ZC3H3: variants seen among roughly 807,000 people sequenced by gnomAD.
The protein encoded by ZC3H3 is zinc finger CCCH domain-containing protein 3.
A neutral mutation model predicts 77.3 loss-of-function variants in ZC3H3; 36 were observed. That is an observed-to-expected ratio of 0.47 (90% CI 0.36 to 0.61). The LOEUF (loss-of-function observed/expected upper bound fraction) is 0.61, where lower values mean the gene tolerates loss of function less well. Among genes scored for constraint, ZC3H3 ranks in the 20% least tolerant of loss-of-function variants. The probability of loss-of-function intolerance (pLI) is 0.00; values close to 1 mark genes in which losing one functional copy is unlikely to be tolerated. For missense variants in ZC3H3, 1,331 were observed against 1,312.2 expected (o/e 1.01, Z -0.22); for synonymous variants, 626 against 555.2 (o/e 1.13, Z -1.79).
chr8:143,463,919 T>C (rs889516828), intron 9 of ZC3H3, among the ~76,000 whole-genome samples: 1 of 152,258 alleles, frequency 6.6e-6, no homozygotes, highest in Non-Finnish European at 1.5e-5. Context: ...CAGCCTAAAT[T>C]ATTCACAAGG....
intron 3 of ZC3H3, among the ~76,000 whole-genome samples, chr8:143,513,324 G>T (rs1474485029): frequency 6.6e-6 from 1 of 152,168 alleles, no homozygotes; most frequent in African/African-American, 2.4e-5. Flanking sequence ...GGAGCAGGGG[G>T]AGCCCCAGGG....
chr8:143,499,816 G>T (rs1821470577), intron 4 of ZC3H3, among the ~76,000 whole-genome samples: 1 of 152,188 alleles, frequency 6.6e-6, no homozygotes, highest in African/African-American at 2.4e-5. Context: ...AAGCTCCCCA[G>T]GCTCCATGTC....
rs527994867 is a variant in ZC3H3, at chr8:143,460,789, A to C, written c.2307+4928T>G. Among the ~76,000 whole-genome samples, 1 of 152,326 alleles carries C rather than the reference A, an allele frequency of 6.6e-6. No homozygotes were observed. The highest frequency in any genetic ancestry group is 2.1e-4 in the South Asian group (1 of 4,826). ...GGTGAAAGATGCCAGACACCAAAGG[A>C]CAGATGCTGGATGATTCCACTGACG... On this transcript the variant is annotated intron_variant, in intron 9 of 11. Transcript: ENST00000262577. The surrounding 1 kb of genome is among the most constrained non-coding windows in gnomAD (Gnocchi z 4.0).
chr8:143,537,140 C>G (rs1172920788), intron 2 of ZC3H3, among the ~76,000 whole-genome samples: 1 of 152,224 alleles, frequency 6.6e-6, no homozygotes, highest in Non-Finnish European at 1.5e-5. Flanking sequence ...AGCTGCCAAC[C>G]TCATGGAGTC....
At position 143,541,362 on chromosome 8, in the gene ZC3H3, C is replaced by G. The variant is rs1211212278; in HGVS notation, c.46+14G>C. On this transcript the variant is annotated intron_variant, in intron 1 of 11. Coordinates refer to ENST00000262577, the MANE Select transcript of ZC3H3 (RefSeq NM_015117.3). ...AAAGAAGGGGACTCGCGTCCCGGCC[C>G]CGGCCGGACCTACCCTGCAGTAGGC... is the stretch of plus-strand genomic sequence containing the variant. The G allele has an allele frequency of 1.2e-6, 2 of 1,608,188 alleles. No individual in the cohort carries two copies. Among genetic ancestry groups the G allele is most frequent in the Non-Finnish European group, 1.7e-6 (2 of 1,178,236 alleles).
At chr8:143,465,904 G>A in intron 8 of ZC3H3, 56 bp from the exon 9 acceptor site, 1 of 1,569,612 alleles carries the variant, frequency 6.4e-7, no homozygotes, top group Non-Finnish European at 8.6e-7. Context: ...AGGGCCCAGA[G>A]ACGGTGGCTG....
At chr8:143,525,367 C>T (rs571266122) in intron 3 of ZC3H3, among the ~76,000 whole-genome samples, 3 of 152,372 alleles carry the variant, frequency 2.0e-5, no homozygotes, top group East Asian at 1.9e-4. Context: ...GGCGTGGGCG[C>T]GGTCTCCTCT....
At chr8:143,480,704 C>T (rs1161764133) in intron 4 of ZC3H3, among the ~76,000 whole-genome samples, 1 of 152,236 alleles carries the variant, frequency 6.6e-6, no homozygotes, top group Non-Finnish European at 1.5e-5. Flanking sequence ...TCTGAGCACC[C>T]GGGCCCTTTC....
At chr8:143,480,067 C>T (rs1404293757) in intron 4 of ZC3H3, among the ~76,000 whole-genome samples, 5 of 152,332 alleles carry the variant, frequency 3.3e-5, no homozygotes, top group Non-Finnish European at 7.4e-5. Flanking sequence ...CTGAGTGCTG[C>T]CAGCCTCGCT....
chr8:143,517,438 G>C (rs1187573702), intron 3 of ZC3H3, among the ~76,000 whole-genome samples: 1 of 152,192 alleles, frequency 6.6e-6, no homozygotes, highest in Non-Finnish European at 1.5e-5. Flanking sequence ...AGTTGGGCCT[G>C]TACCCCAGGC....
intron 9 of ZC3H3, among the ~76,000 whole-genome samples, chr8:143,441,995 G>A (rs959122248): frequency 1.2e-4 from 19 of 152,144 alleles, no homozygotes; most frequent in East Asian, 1.9e-4. Context: ...AATCTGTCAC[G>A]GCACTAGAGT....
At chr8:143,511,296 T>C (rs1463932247) in intron 3 of ZC3H3, among the ~76,000 whole-genome samples, 1 of 152,190 alleles carries the variant, frequency 6.6e-6, no homozygotes, top group Non-Finnish European at 1.5e-5. Context: ...CTCACTCTCC[T>C]CGGACAATTC....
At chr8:143,445,297 C>T (rs1022747407) in intron 9 of ZC3H3, among the ~76,000 whole-genome samples, 1 of 151,438 alleles carries the variant, frequency 6.6e-6, no homozygotes, top group Non-Finnish European at 1.5e-5. Context: ...AGGAGAATTG[C>T]TTGAACCTGG....
At chr8:143,458,282 A>G (rs1820172328) in intron 9 of ZC3H3, among the ~76,000 whole-genome samples, 1 of 118,390 alleles carries the variant, frequency 8.4e-6, no homozygotes, top group Non-Finnish European at 1.9e-5. Flanking sequence ...CTGACTGAAG[A>G]GTAGAAAATC....
intron 9 of ZC3H3, among the ~76,000 whole-genome samples, chr8:143,442,409 T>TG (rs1286973015): frequency 3.6e-5 from 1 of 27,580 alleles, no homozygotes; most frequent in African/African-American, 1.4e-4. Context: ...CCGGGGGGGG[T>TG]GGGGGGGCGG....
intron 11 of ZC3H3, among the ~76,000 whole-genome samples, chr8:143,439,416 G>A (rs1391446777): frequency 1.3e-5 from 2 of 152,320 alleles, no homozygotes; most frequent in East Asian, 1.9e-4. Flanking sequence ...GCTGCGTGGG[G>A]TTTATCGTCA....
At chr8:143,474,868 C>A (rs1820683664) in intron 5 of ZC3H3, among the ~76,000 whole-genome samples, 1 of 152,268 alleles carries the variant, frequency 6.6e-6, no homozygotes, top group Admixed American at 6.5e-5. Flanking sequence ...GCGGCGCCGG[C>A]TGCCTCCAGA....
At chr8:143,488,941 AGATCC>A (rs1392455323) in intron 4 of ZC3H3, among the ~76,000 whole-genome samples, 8 of 152,240 alleles carry the variant, frequency 5.3e-5, no homozygotes, top group Non-Finnish European at 1.2e-4. Flanking sequence ...CACCCTCCTC[AGATCC>A]GCTGTCCATG....
intron 9 of ZC3H3, among the ~76,000 whole-genome samples, chr8:143,444,540 A>G (rs1238304054): frequency 6.6e-6 from 1 of 152,264 alleles, no homozygotes; most frequent in Non-Finnish European, 1.5e-5. Flanking sequence ...GATTTATCTC[A>G]GGAATGCAAG....
Sources: gnomAD v4.1 joint callset for allele counts (sites outside exome capture counted in the v4.1 genomes callset) on GRCh38, gnomAD v4.1.1 for gene constraint, Gnocchi (gnomAD v3.1) non-coding constraint, MANE v1.5 for transcripts, NCBI Gene and HGNC (gene_info 2026-07-23, HGNC 2026-07-21) for gene names.